The following NFIX variants were observed in gnomAD, a reference collection of about 807,000 sequenced individuals.
NFIX encodes nuclear factor I X, also known as nuclear factor 1 X-type.
A neutral mutation model predicts 53.3 loss-of-function variants in NFIX; 2 were observed. That is an observed-to-expected ratio of 0.04 (90% CI 0.02 to 0.12). The LOEUF is 0.12. NFIX is among the 10% of genes least tolerant of loss of function. The pLI is 1.00. For missense variants in NFIX, 310 were observed against 674.5 expected, an observed-to-expected ratio of 0.46 and a Z score of 5.99; for synonymous variants, 244 against 289.0, an observed-to-expected ratio of 0.84 and a Z score of 1.58.
At chr19:13,034,412 CAG>C (rs1244871434) in intron 2 of NFIX, among the ~76,000 whole-genome samples, 1 of 152,186 alleles carries the variant, frequency 6.6e-6, no homozygotes, top group Admixed American at 6.5e-5. Context: ...CTAGCATAGA[CAG>C]GGGCCAGGTT....
chr19:13,094,627 T>C lies in NFIX; in HGVS notation c.1495-8T>C. Reference sequence around the variant, plus strand: ...TCTCAGTATCGCCTCTTTTTCATCCTGTTTCAGTCCTGGTTCCTCTGATAA... The same window carrying C: ...TCTCAGTATCGCCTCTTTTTCATCCCGTTTCAGTCCTGGTTCCTCTGATAA... On this transcript the variant is annotated splice_region_variant and splice_polypyrimidine_tract_variant and intron_variant, in intron 10 of 10. Transcript: ENST00000592199. The surrounding 1 kb of genome is among the most constrained non-coding windows in gnomAD (Gnocchi z 4.3). 1 of 1,536,264 alleles carries C rather than the reference T, an allele frequency of 6.5e-7. No individual in the cohort carries two copies.
rs1026275659 is a variant in NFIX at position 13,021,496 on chromosome 19, G to C, written c.28-3525G>C. Among the ~76,000 whole-genome samples the C allele has an allele frequency of 2.0e-5, 3 of 152,222 alleles. No homozygotes were observed. Among genetic ancestry groups the C allele is most frequent in the African/African-American group, 7.2e-5 (3 of 41,524 alleles). On this transcript the variant is annotated intron_variant, in intron 1 of 10. Transcript: ENST00000592199. This position sits in a 1 kb window ranked among gnomAD's most constrained non-coding sequence, Gnocchi z 4.2. ...CCAACATAAAGGCCACAAAGCACAG[G>C]GTTTCAGTTGGGGAAGAAAGGGGCA...
At position 13,090,917 on chromosome 19, in the gene NFIX, G is replaced by A. The variant is rs918018017; in HGVS notation, c.1494+527G>A. ...AGAGGCCCCTCACCCAAGTCTCCAG[G>A]AGTCCTGTTAGGGAGAAGGCCAGCA... On this transcript the variant is annotated intron_variant, in intron 10 of 10. Coordinates refer to ENST00000592199, the MANE Select transcript of NFIX (RefSeq NM_001365902.3). This position sits in a 1 kb window ranked among gnomAD's most constrained non-coding sequence, Gnocchi z 6.6. Among the ~76,000 whole-genome samples the A allele has an allele frequency of 5.3e-5, 8 of 152,188 alleles. No individual in the cohort carries two copies. Among genetic ancestry groups the A allele is most frequent in the Admixed American group, 5.2e-4 (8 of 15,284 alleles).
intron 1 of NFIX, chr19:13,023,947 TC>T: frequency 3.2e-5 from 4 of 125,086 alleles, no homozygotes; most frequent in Non-Finnish European, 4.4e-5. Context: ...TCCTCCCCCC[TC>T]CCCCCACCCG....
At chr19:13,041,244 T>C (rs898806996) in intron 2 of NFIX, among the ~76,000 whole-genome samples, 14 of 152,200 alleles carry the variant, frequency 9.2e-5, no homozygotes, top group African/African-American at 3.4e-4. Flanking sequence ...GTTCTATGAT[T>C]TGGGGAGTGT....
intron 7 of NFIX, among the ~76,000 whole-genome samples, chr19:13,079,048 C>T (rs1252513971): frequency 6.6e-6 from 1 of 152,266 alleles, no homozygotes; most frequent in Non-Finnish European, 1.5e-5. Flanking sequence ...CCCAGTTCTC[C>T]TTTTGTCCTG....
At chr19:13,084,461 C>CA (rs377467492) in intron 8 of NFIX, among the ~76,000 whole-genome samples, 3 of 151,744 alleles carry the variant, frequency 2.0e-5, no homozygotes, top group Non-Finnish European at 4.4e-5. Flanking sequence ...AAAACAAAAA[C>CA]AAAAAAAACC....
In NFIX at chr19:13,081,850, G is replaced by A. The variant is rs1326313565; in HGVS notation, c.1249G>A (p.Gly417Arg). 1.9e-6 allele frequency: 3 copies of A among 1,613,710 alleles called. No individual in the cohort carries two copies. The highest frequency in any genetic ancestry group is 1.7e-5 in the Admixed American group (1 of 59,998). Residue 417 changes from glycine to arginine, a missense_variant, in exon 8 of 11, where the codon GGA (glycine) becomes AGA (arginine). Gly to Arg is a moderately radical substitution (Grantham distance 125). Coordinates refer to ENST00000592199, the MANE Select transcript of NFIX (RefSeq NM_001365902.3). The surrounding 1 kb of genome is among the most constrained non-coding windows in gnomAD (Gnocchi z 4.7). ...CTCGGATGGCTCGGGCCAGGCCACC[G>A]GACAGGTGAGTCCAGAGGGCCCCAG... ...VCSDGSGQATGQPNGSGQGKV... is the reference protein window; with the variant it reads ...VCSDGSGQATRQPNGSGQGKV...
chr19:13,024,596 C>T (rs1442126205), intron 1 of NFIX: 4 of 1,536,026 alleles, frequency 2.6e-6, no homozygotes, highest in African/African-American at 1.4e-5. Context: ...GACACTGTGC[C>T]GGGGCGAGCT....
intron 2 of NFIX, among the ~76,000 whole-genome samples, chr19:13,039,157 G>C (rs1307595176): frequency 6.6e-6 from 1 of 151,978 alleles, no homozygotes; most frequent in Non-Finnish European, 1.5e-5. Context: ...GGTTTACAAA[G>C]TGGGCCCAGC....
intron 2 of NFIX, among the ~76,000 whole-genome samples, chr19:13,044,148 A>C (rs2014828081): frequency 6.6e-6 from 1 of 152,162 alleles, no homozygotes; most frequent in Admixed American, 6.5e-5. Context: ...AGCTGCCTCA[A>C]GACTCCTGAG....
rs2012006143 is a variant in NFIX at position 13,006,214 on chromosome 19, T to A, written c.27+10350T>A. On this transcript the variant is annotated intron_variant, in intron 1 of 10. Coordinates refer to ENST00000592199, the MANE Select transcript of NFIX (RefSeq NM_001365902.3). The surrounding 1 kb of genome is among the most constrained non-coding windows in gnomAD (Gnocchi z 5.6). ...TGGGCAGCTGTGGTTTTAGCAGAGGTGGGCACGGAGACCTCATGGTGAGAT... is the reference window on the plus strand; with the variant it reads ...TGGGCAGCTGTGGTTTTAGCAGAGGAGGGCACGGAGACCTCATGGTGAGAT... Among the ~76,000 whole-genome samples, 1 of 152,000 alleles carries A rather than the reference T, an allele frequency of 6.6e-6. No individual in the cohort carries two copies. Among genetic ancestry groups the A allele is most frequent in the African/African-American group, 2.4e-5 (1 of 41,370 alleles).
At position 12,998,264 on chromosome 19, in the gene NFIX, C is replaced by G. The variant is rs998420453; in HGVS notation, c.27+2400C>G. ...AGTTTTGGCCCCATCTCTGCTCCCC[C>G]CTCCACTGGCGTCTCGGACTCTCTC... On this transcript the variant is annotated intron_variant, in intron 1 of 10. Transcript: ENST00000592199. The surrounding 1 kb of genome is among the most constrained non-coding windows in gnomAD (Gnocchi z 4.4). 2.0e-5 allele frequency among the ~76,000 whole-genome samples: 3 copies of G among 151,974 alleles called. No individual in the cohort carries two copies. Among genetic ancestry groups the G allele is most frequent in the East Asian group, 1.9e-4 (1 of 5,188 alleles).
At chr19:13,000,899 C>T (rs778982829) in intron 1 of NFIX, among the ~76,000 whole-genome samples, 11 of 152,134 alleles carry the variant, frequency 7.2e-5, no homozygotes, top group East Asian at 1.9e-4. Flanking sequence ...AAAATGCCCC[C>T]GTGGTTGGTG....
chr19:13,041,181 C>T (rs574327240), intron 2 of NFIX, among the ~76,000 whole-genome samples: 4 of 152,214 alleles, frequency 2.6e-5, no homozygotes, highest in Non-Finnish European at 5.9e-5. Flanking sequence ...AAGCCTGCCT[C>T]TCACAAACTC....
intron 2 of NFIX, among the ~76,000 whole-genome samples, chr19:13,065,787 T>C (rs775622875): frequency 6.6e-6 from 1 of 152,156 alleles, no homozygotes; most frequent in African/African-American, 2.4e-5. Context: ...CTCCCTGGGC[T>C]GGGGACGGCT....
intron 2 of NFIX, among the ~76,000 whole-genome samples, chr19:13,057,799 G>A (rs1181102985): frequency 7.2e-5 from 8 of 111,774 alleles, no homozygotes; most frequent in Non-Finnish European, 1.3e-4. Flanking sequence ...GGACTACCTG[G>A]GGAAGGCAGC....
rs957386790 is a variant in NFIX, at chr19:13,089,801, A to C, written c.1403-498A>C. On this transcript the variant is annotated intron_variant, in intron 9 of 10. Transcript: ENST00000592199. The surrounding 1 kb of genome is among the most constrained non-coding windows in gnomAD (Gnocchi z 4.8). Reference sequence around the variant, plus strand: ...CTGGCTGGGAAGGCCTTCCCGAAGCAGGGTGGGGCCGGACTGCCAAAGCCT... The same window carrying C: ...CTGGCTGGGAAGGCCTTCCCGAAGCCGGGTGGGGCCGGACTGCCAAAGCCT... Among the ~76,000 whole-genome samples, 1 of 152,160 alleles carries C rather than the reference A, an allele frequency of 6.6e-6. No individual in the cohort carries two copies. The highest frequency in any genetic ancestry group is 2.1e-4 in the South Asian group (1 of 4,832).
chr19:13,071,902 A>C (rs2016797868), intron 2 of NFIX, among the ~76,000 whole-genome samples: 1 of 152,044 alleles, frequency 6.6e-6, no homozygotes, highest in Admixed American at 6.5e-5. Context: ...CCTCACCCCA[A>C]CCCTAGGGCT....
Sources: gnomAD v4.1 joint callset for allele counts (sites outside exome capture counted in the v4.1 genomes callset) on GRCh38, gnomAD v4.1.1 for gene constraint, Gnocchi (gnomAD v3.1) non-coding constraint, MANE v1.5 for transcripts, NCBI Gene and HGNC (gene_info 2026-07-23, HGNC 2026-07-21) for gene names.